The following SMURF1 variants were observed in gnomAD, a reference collection of about 807,000 sequenced individuals.
SMURF1 encodes E3 ubiquitin-protein ligase SMURF1.
In SMURF1, 44 loss-of-function variants were observed where a neutral mutation model predicts 98.0. That is an observed-to-expected ratio of 0.45 (90% CI 0.35 to 0.58). SMURF1 has a LOEUF of 0.58. Ranked by LOEUF, SMURF1 falls within the 20% of genes least tolerant of loss-of-function variation. SMURF1 has a pLI of 0.00. For missense variants in SMURF1, 687 were observed against 938.4 expected, an observed-to-expected ratio of 0.73 and a Z score of 3.50; for synonymous variants, 396 against 374.9, an observed-to-expected ratio of 1.06 and a Z score of -0.65.
intron 2 of SMURF1, 72 bp from the exon 3 acceptor site, chr7:99,060,779 G>C: frequency 4.1e-6 from 4 of 986,566 alleles, no homozygotes; most frequent in Non-Finnish European, 4.6e-6. Flanking sequence ...CACACAATTC[G>C]TGTTCTCTAA....
At chr7:99,041,226 A>AC (rs1427216997) in intron 12 of SMURF1, among the ~76,000 whole-genome samples, 4 of 151,978 alleles carry the variant, frequency 2.6e-5, no homozygotes, top group African/African-American at 9.7e-5. Context: ...ACATGGCAAA[A>AC]CCCCATCTCT....
At chr7:99,063,281 A>ATATATAAGATT (rs1796104893) in intron 1 of SMURF1, among the ~76,000 whole-genome samples, 1 of 18,766 alleles carries the variant, frequency 5.3e-5, no homozygotes, top group Non-Finnish European at 1.5e-4. Flanking sequence ...ATATATATAT[A>ATATATAAGATT]TATATATATA....
At position 99,047,713 on chromosome 7, in the gene SMURF1, T is replaced by C. The variant is rs544594217; in HGVS notation, c.1123A>G (p.Ile375Val). ...AAGATTTCTTCTCTGGACACTTCGA[T>C]GCGGCAATGACCAGCTTGGGGCTGC... ...LQQPQAGHCRIEVSREEIFEE... is the reference protein window; with the variant it reads ...LQQPQAGHCRVEVSREEIFEE... Residue 375 changes from isoleucine (I) to valine (V), a missense_variant, in exon 10 of 18, where the codon ATC (isoleucine) becomes GTC (valine). Physicochemically the swap from Ile to Val is conservative, Grantham distance 29. This residue lies in a region of SMURF1 where 415 missense variants were observed against 508.4 expected (regional missense o/e 0.82). Coordinates refer to ENST00000361368, the MANE Select transcript of SMURF1 (RefSeq NM_181349.3). The C allele has an allele frequency of 7.3e-5, 118 of 1,614,244 alleles. 3 individuals are homozygous for C. In the South Asian group the frequency reaches 1.1e-3, roughly 16 times the overall value.
chr7:99,040,749 T>C (rs939367703), intron 12 of SMURF1, among the ~76,000 whole-genome samples, 193 bp from the exon 13 acceptor site: 4 of 152,208 alleles, frequency 2.6e-5, no homozygotes, highest in African/African-American at 9.6e-5. Flanking sequence ...CTAGATTCGC[T>C]GGACAGCGTT....
rs377416493 is a variant in SMURF1 at position 99,030,565 on chromosome 7, T to G, written c.*19A>C. The G allele has an allele frequency of 6.2e-7, 1 of 1,611,280 alleles. No homozygotes were observed. Among genetic ancestry groups the G allele is most frequent in the South Asian group, 1.1e-5 (1 of 91,006 alleles). ...GGTCTGGTGGCCATGAGCTAGACTC[T>G]GTTGCCTTTGGTTGCTTTTCACTCC... On this transcript the variant is annotated 3_prime_UTR_variant, in exon 18 of 18. Coordinates refer to ENST00000361368, the MANE Select transcript of SMURF1 (RefSeq NM_181349.3).
intron 1 of SMURF1, among the ~76,000 whole-genome samples, chr7:99,101,929 G>A (rs74446658): frequency 0.018 from 2,560 of 143,788 alleles, 82 homozygotes; most frequent in African/African-American, 0.064. Flanking sequence ...GCACGACCAC[G>A]TCTCAAAAAA....
At chr7:99,100,863 C>T (rs565779039) in intron 1 of SMURF1, among the ~76,000 whole-genome samples, 1 of 152,250 alleles carries the variant, frequency 6.6e-6, no homozygotes, top group East Asian at 1.9e-4. Context: ...TATTCAGAGT[C>T]AAAGAGAGAT....
chr7:99,040,707 G>GA, intron 12 of SMURF1, 151 bp from the exon 13 acceptor site: 1 of 656,580 alleles, frequency 1.5e-6, no homozygotes, highest in Non-Finnish European at 2.2e-6. Flanking sequence ...CTGAACAAGT[G>GA]AAAGAAGGCT....
chr7:99,132,263 T>A (rs1584215465), intron 1 of SMURF1, among the ~76,000 whole-genome samples: 1 of 151,800 alleles, frequency 6.6e-6, no homozygotes, highest in South Asian at 2.1e-4. Flanking sequence ...CCAGGAGAGG[T>A]GTCCTCCGAC....
rs73709598 is a variant in SMURF1, at chr7:99,132,419, G to A, written c.55+11307C>T. Among the ~76,000 whole-genome samples, 610 of 152,248 alleles carry A rather than the reference G, an allele frequency of 4.0e-3. 3 individuals carry two copies. Among genetic ancestry groups the A allele is most frequent in the African/African-American group, 0.013 (551 of 41,534 alleles). ...CAGACAGCAAGGACCCTAGCTTCAC[G>A]GAACTTGACTACCAAGAGCAGAGAC... On this transcript the variant is annotated intron_variant, in intron 1 of 17. Transcript: ENST00000361368.
intron 1 of SMURF1, among the ~76,000 whole-genome samples, chr7:99,066,253 G>T (rs1796190637): frequency 6.6e-6 from 1 of 152,028 alleles, no homozygotes; most frequent in African/African-American, 2.4e-5. Context: ...AGCCTTATGA[G>T]CCTCCGATCC....
At chr7:99,048,058 C>T (rs1795639665) in intron 9 of SMURF1, 176 bp from the exon 10 acceptor site, 1 of 623,874 alleles carries the variant, frequency 1.6e-6, no homozygotes, top group South Asian at 1.9e-5. Context: ...TGCTGATGGC[C>T]ACATTAGCCT....
intron 1 of SMURF1, among the ~76,000 whole-genome samples, chr7:99,118,909 TG>T (rs1797524131): frequency 6.6e-6 from 1 of 151,416 alleles, no homozygotes; most frequent in African/African-American, 2.4e-5. Context: ...GTACCCAGGC[TG>T]CAGTACGTGA....
chr7:99,141,228 TAGG>T (rs766476027), intron 1 of SMURF1, among the ~76,000 whole-genome samples: 1 of 152,236 alleles, frequency 6.6e-6, no homozygotes, highest in Non-Finnish European at 1.5e-5. Context: ...AATAATTTGG[TAGG>T]AGGAGAAACC....
chr7:99,131,997 G>C (rs1278625344), intron 1 of SMURF1, among the ~76,000 whole-genome samples: 1 of 152,086 alleles, frequency 6.6e-6, no homozygotes, highest in Non-Finnish European at 1.5e-5. Context: ...AGTTATCCCC[G>C]CCAGCCCTGA....
At chr7:99,117,157 C>G (rs1258138052) in intron 1 of SMURF1, among the ~76,000 whole-genome samples, 1 of 151,600 alleles carries the variant, frequency 6.6e-6, no homozygotes, top group African/African-American at 2.4e-5. Context: ...TATCCACTAG[C>G]AAAAGGATAA....
chr7:99,035,765 G>A (rs1297887018), intron 15 of SMURF1, 49 bp from the exon 16 acceptor site: 24 of 1,568,232 alleles, frequency 1.5e-5, no homozygotes, highest in Middle Eastern at 1.7e-4. Context: ...ATAAACCCAC[G>A]TCAGGATGCG....
intron 1 of SMURF1, chr7:99,120,879 T>C (rs1157042649): frequency 2.0e-5 from 3 of 150,178 alleles, no homozygotes; most frequent in Non-Finnish European, 3.0e-5. Context: ...TGGCATTATT[T>C]AGCCCAAAAA....
At chr7:99,101,636 A>C (rs1797084117) in intron 1 of SMURF1, among the ~76,000 whole-genome samples, 1 of 152,178 alleles carries the variant, frequency 6.6e-6, no homozygotes. Flanking sequence ...TCTCACCCTC[A>C]AGGGAAAAAA....
Sources: allele counts gnomAD v4.1 joint callset (sites outside exome capture counted in the v4.1 genomes callset), GRCh38; gene constraint gnomAD v4.1.1; regional missense constraint gnomAD v4.1.1; transcripts MANE v1.5; gene names NCBI Gene and HGNC (gene_info 2026-07-23, HGNC 2026-07-21).